Variants in TPRKB observed in about 807,000 individuals in gnomAD.
The protein encoded by TPRKB is EKC/KEOPS complex subunit TPRKB.
In TPRKB, 11 loss-of-function variants were observed where a neutral mutation model predicts 17.8. The observed-to-expected ratio is 0.62, with a 90% CI of 0.39 to 1.02. TPRKB has a LOEUF of 1.02. Among genes scored for constraint, TPRKB ranks in the 50% least tolerant of loss-of-function variants. The pLI, the probability that TPRKB is intolerant of heterozygous loss-of-function variation, is 0.00. For missense variants in TPRKB, 228 were observed against 198.0 expected (o/e 1.15, Z -0.91); for synonymous variants, 71 against 69.5 (o/e 1.02, Z -0.11).
At position 73,730,010 on chromosome 2, in the gene TPRKB, TGTG is replaced by T. The variant is rs909986621; in HGVS notation, c.458_460del (p.Ser153_Gln154delinsTer). 6.4e-7 allele frequency: 1 copy of T among 1,574,104 alleles called. No individual in the cohort carries two copies. The highest frequency in any genetic ancestry group is 1.4e-5 in the African/African-American group (1 of 73,996). On this transcript the variant is annotated stop_gained and inframe_deletion, in exon 5 of 5. Transcript: ENST00000272424. LOFTEE classifies it high-confidence loss of function. ...CAATAATGTCCCAATACTTTCTTCT[TGTG>T]AAGAGAGTTTATATATCTGTAAAAA...
chr2:73,737,341 GA>G lies in TPRKB; in HGVS notation c.-63del, dbSNP rs891216985. 1 of 152,210 alleles carries G rather than the reference GA, an allele frequency of 6.6e-6. No homozygotes were observed. The highest frequency in any genetic ancestry group is 2.4e-5 in the African/African-American group (1 of 41,458). 9.4% of individuals were successfully genotyped at this position (152,210 alleles called of 1,614,324 possible). On this transcript the variant is annotated 5_prime_UTR_variant, in exon 1 of 5. Transcript: ENST00000272424. Reference sequence around the variant, plus strand: ...TGCGTCTCGGAAGAGCTCCCGCTCCGAAACAAAGCTCACAACTTCCGGAAGC... The same window carrying G: ...TGCGTCTCGGAAGAGCTCCCGCTCCGAACAAAGCTCACAACTTCCGGAAGC...
Position 73,734,549 on chromosome 2 carries a change from C to T in TPRKB, c.21G>A (p.Leu7=), listed in dbSNP as rs374292106. 9.3e-6 allele frequency: 15 copies of T among 1,612,564 alleles called. No individual in the cohort carries two copies. In the African/African-American group the frequency reaches 2.0e-4, roughly 22 times the overall value. The change falls in exon 2 of 5, where the codon CTG becomes CTA. Residue 7 remains leucine (L), a synonymous_variant. Transcript: ENST00000272424. The part of the protein sequence containing the change: MQLTHQ[L]DLFPECRVTL... ...TTACCCTGCATTCGGGAAATAGGTCCAGCTGATGTGTTAACTGCATTTCAC... is the reference window on the plus strand; with the variant it reads ...TTACCCTGCATTCGGGAAATAGGTCTAGCTGATGTGTTAACTGCATTTCAC...
chr2:73,733,692 T>A (rs1025902405), intron 2 of TPRKB, among the ~76,000 whole-genome samples: 1 of 152,158 alleles, frequency 6.6e-6, no homozygotes, highest in South Asian at 2.1e-4. Flanking sequence ...ACTGTTATAG[T>A]CAAAGTTGGC....
chr2:73,735,475 T>G (rs2103869652), intron 1 of TPRKB, among the ~76,000 whole-genome samples: 1 of 152,254 alleles, frequency 6.6e-6, no homozygotes, highest in African/African-American at 2.4e-5. Context: ...ACCCTAGAAC[T>G]TAAAGTATAA....
chr2:73,735,490 A>T (rs1187876563), intron 1 of TPRKB, among the ~76,000 whole-genome samples: 1 of 151,518 alleles, frequency 6.6e-6, no homozygotes, highest in Non-Finnish European at 1.5e-5. Context: ...GTATAAAAAT[A>T]AAAAAAAAGG....
chr2:73,734,702 T>C, intron 1 of TPRKB, 111 bp from the exon 2 acceptor site: 1 of 1,023,844 alleles, frequency 9.8e-7, no homozygotes, highest in Admixed American at 3.1e-5. Flanking sequence ...AGTGTTAAAC[T>C]AGAAAAATCC....
chr2:73,732,023 C>T, intron 3 of TPRKB, 140 bp downstream of exon 3: 3 of 951,812 alleles, frequency 3.2e-6, no homozygotes, highest in Non-Finnish European at 3.1e-6. Flanking sequence ...TAAACCTCAA[C>T]TCTCTGTCCA....
Position 73,730,709 on chromosome 2 carries a change from T to A in TPRKB, c.292A>T (p.Ile98Phe). The A allele has an allele frequency of 6.6e-7, 1 of 1,521,206 alleles. No individual in the cohort carries two copies. Among genetic ancestry groups the A allele is most frequent in the Non-Finnish European group, 8.7e-7 (1 of 1,145,292 alleles). The allele number at this position is 1,521,206 out of a possible 1,614,324, so 94.2% of individuals were successfully genotyped here. Residue 98 changes from isoleucine (I) to phenylalanine (F), a missense_variant, in exon 4 of 5, where the codon ATC becomes TTC. Physicochemically the swap from Ile to Phe is conservative, Grantham distance 21. Transcript: ENST00000272424. ...NISEALKKFG[I>F]SANDTSILIV... ...AGAATTGAAGTGTCATTTGCTGAGA[T>A]ACCAAATTTTTTCAAAGCCTCTGAA...
rs149388000 is a variant in TPRKB at position 73,730,674 on chromosome 2, G to A, written c.327C>T (p.Tyr109=). The change falls in exon 4 of 5, where the codon TAC becomes TAT. Residue 109 remains tyrosine (Y), a synonymous_variant. Transcript: ENST00000272424. The stretch of plus-strand genomic sequence containing the variant: ...TTATTTGTTTTTCTCCCTCTTCAAT[G>A]TAAACAATTAGAATTGAAGTGTCAT... ...SANDTSILIV[Y]IEEGEKQINQ... is the part of the protein sequence containing the mutation. The A allele has an allele frequency of 1.3e-4, 212 of 1,574,390 alleles. No homozygotes were observed. Among genetic ancestry groups the A allele is most frequent in the Non-Finnish European group, 1.7e-4 (203 of 1,166,066 alleles).
At chr2:73,733,969 A>T (rs1671757291) in intron 2 of TPRKB, among the ~76,000 whole-genome samples, 2 of 150,500 alleles carry the variant, frequency 1.3e-5, no homozygotes, top group Admixed American at 1.3e-4. Flanking sequence ...CACCATGCTC[A>T]GCTAATTTTT....
chr2:73,737,335 C>A lies in TPRKB; in HGVS notation c.-56G>T, dbSNP rs1265186084. 6.6e-6 allele frequency: 1 copy of A among 152,238 alleles called. No homozygotes were observed. The allele number at this position is 152,238 out of a possible 1,614,324, so 9.4% of individuals were successfully genotyped here. A position where few individuals can be genotyped will look rare whatever the true frequency, so the allele number is the denominator to read the frequency against. On this transcript the variant is annotated 5_prime_UTR_variant, in exon 1 of 5. Transcript: ENST00000272424. ...CCCCAGTGCGTCTCGGAAGAGCTCC[C>A]GCTCCGAAACAAAGCTCACAACTTC...
intron 3 of TPRKB, 56 bp downstream of exon 3, chr2:73,732,107 G>A: frequency 7.0e-6 from 11 of 1,575,422 alleles, no homozygotes; most frequent in East Asian, 2.2e-5. Flanking sequence ...ACCCAACACT[G>A]AGGAACACAT....
chr2:73,732,707 CAAAAAAAA>C (rs546442735), intron 2 of TPRKB: 2 of 99,660 alleles, frequency 2.0e-5, no homozygotes, highest in Non-Finnish European at 4.1e-5. Context: ...GAAACTGTCT[CAAAAAAAA>C]AAAAAACAAA....
At chr2:73,734,684 T>C (rs1035793739) in intron 1 of TPRKB, 93 bp from the exon 2 acceptor site, 1 of 1,168,446 alleles carries the variant, frequency 8.6e-7, no homozygotes, top group African/African-American at 1.6e-5. Flanking sequence ...TGAAAGTAAC[T>C]TGATAAAAGT....
rs749784962 is a variant in TPRKB, at chr2:73,730,018, G to A, written c.453C>T (p.Leu151=). 66 of 1,569,052 alleles carry A rather than the reference G, an allele frequency of 4.2e-5. No individual in the cohort carries two copies. Among genetic ancestry groups the A allele is most frequent in the Non-Finnish European group, 5.5e-5 (64 of 1,155,126 alleles). Residue 151 remains leucine (L), a synonymous_variant, in exon 5 of 5, where the codon CTC becomes CTT. Coordinates refer to ENST00000272424, the MANE Select transcript of TPRKB (RefSeq NM_016058.5). The stretch of plus-strand genomic sequence containing the variant: ...TCCCAATACTTTCTTCTTGTGAAGA[G>A]AGTTTATATATCTGTAAAAATGAAA... ...NITEVKKIYK[L]SSQEESIGTL...
chr2:73,733,079 C>T (rs190643232), intron 2 of TPRKB, among the ~76,000 whole-genome samples: 1 of 152,110 alleles, frequency 6.6e-6, no homozygotes, highest in Non-Finnish European at 1.5e-5. Flanking sequence ...ACAGTATTCA[C>T]TCCATAGGCT....
chr2:73,730,103 G>A (rs903614715), intron 4 of TPRKB, 74 bp from the exon 5 acceptor site: 4 of 1,408,214 alleles, frequency 2.8e-6, no homozygotes, highest in Admixed American at 6.0e-5. Context: ...ACAAACATGT[G>A]TAAGTGAAAT....
chr2:73,730,098 CATGTGT>C, intron 4 of TPRKB, 69 bp from the exon 5 acceptor site: 2 of 1,453,668 alleles, frequency 1.4e-6, no homozygotes, highest in Non-Finnish European at 1.8e-6. Context: ...ATTATACAAA[CATGTGT>C]AAGTGAAATT....
intron 2 of TPRKB, among the ~76,000 whole-genome samples, chr2:73,733,289 C>T (rs967394801): frequency 5.4e-5 from 7 of 128,684 alleles, no homozygotes; most frequent in East Asian, 2.5e-4. Flanking sequence ...CAGAGTCTCT[C>T]GCTCCATTGC....
Sources: allele counts gnomAD v4.1 joint callset (sites outside exome capture counted in the v4.1 genomes callset), GRCh38; gene constraint gnomAD v4.1.1; transcripts MANE v1.5; gene names NCBI Gene and HGNC (gene_info 2026-07-23, HGNC 2026-07-21).